Variants in AMD1 observed in about 807,000 individuals in gnomAD.
The protein encoded by AMD1 is adenosylmethionine decarboxylase 1.
In AMD1, 11 loss-of-function variants were observed where a neutral mutation model predicts 40.2. The ratio of observed to expected loss-of-function variants is 0.27; its 90% confidence interval spans 0.17 to 0.45. The LOEUF (loss-of-function observed/expected upper bound fraction) is 0.45, where lower values mean the gene tolerates loss of function less well. AMD1 is among the 20% of genes least tolerant of loss of function. The pLI is 1.00. For missense variants in AMD1, 257 were observed against 410.2 expected (o/e 0.63, Z 3.23); for synonymous variants, 121 against 130.8 (o/e 0.93, Z 0.51).
chr6:110,893,842 C>A lies in AMD1; in HGVS notation c.*226C>A. Reference sequence around the variant, plus strand: ...TCTTCTGTGTTTAGGTATTCTCTGCCACTCTTGCTGTGAAATTGAAGTGCA... The same window carrying A: ...TCTTCTGTGTTTAGGTATTCTCTGCAACTCTTGCTGTGAAATTGAAGTGCA... On this transcript the variant is annotated 3_prime_UTR_variant, in exon 9 of 9. Coordinates refer to ENST00000368885, the MANE Select transcript of AMD1 (RefSeq NM_001634.6). 1 of 472,736 alleles carries A rather than the reference C, an allele frequency of 2.1e-6. No homozygotes were observed. Among genetic ancestry groups the A allele is most frequent in the Non-Finnish European group, 3.7e-6 (1 of 270,472 alleles). The allele number at this position is 472,736 out of a possible 1,614,324, so 29.3% of individuals were successfully genotyped here. A position where few individuals can be genotyped will look rare whatever the true frequency, so the allele number is the denominator to read the frequency against.
chr6:110,843,506 T>C, the AMD1 span, among the ~76,000 whole-genome samples: 1 of 150,710 alleles, frequency 6.6e-6, no homozygotes, highest in African/African-American at 2.4e-5. Context: ...GAAAATAAAG[T>C]ACTATGAGTT....
At chr6:110,843,237 C>T in the AMD1 span, among the ~76,000 whole-genome samples, 1 of 151,860 alleles carries the variant, frequency 6.6e-6, no homozygotes, top group Admixed American at 6.6e-5. Flanking sequence ...CCTGGGCGGG[C>T]GGATCCCCTG....
the AMD1 span, among the ~76,000 whole-genome samples, chr6:110,857,168 AAAAT>A: frequency 6.6e-6 from 1 of 151,944 alleles, no homozygotes; most frequent in Non-Finnish European, 1.5e-5. Flanking sequence ...CTGTCTCAAA[AAAAT>A]AAATAAATAA....
the AMD1 span, among the ~76,000 whole-genome samples, chr6:110,823,115 C>CA: frequency 3.3e-5 from 5 of 151,384 alleles, no homozygotes; most frequent in African/African-American, 4.9e-5. Flanking sequence ...AACTCTGTCT[C>CA]AAAAAAAAGC....
chr6:110,888,707 A>G, intron 2 of AMD1, 150 bp from the exon 3 acceptor site: 1 of 700,464 alleles, frequency 1.4e-6, no homozygotes, highest in Non-Finnish European at 2.3e-6. Context: ...TGTATACTAG[A>G]AAAGGAAAAG....
At chr6:110,834,704 A>T in the AMD1 span, among the ~76,000 whole-genome samples, 14 of 152,148 alleles carry the variant, frequency 9.2e-5, no homozygotes, top group South Asian at 2.7e-3. Context: ...CACGTCTGTA[A>T]TCCCAGCACT....
the AMD1 span, chr6:110,814,880 C>G: frequency 7.8e-7 from 1 of 1,273,912 alleles, no homozygotes; most frequent in Non-Finnish European, 1.1e-6. Flanking sequence ...GGTGTCCGGA[C>G]GCAACCCCGC....
At chr6:110,873,006 T>G (rs1784945651), upstream of AMD1, among the ~76,000 whole-genome samples, 2 of 152,232 alleles carry the variant, frequency 1.3e-5, no homozygotes, top group Non-Finnish European at 2.9e-5. Flanking sequence ...AGTAACCACA[T>G]TCTTTTATCA....
chr6:110,827,745 A>G, the AMD1 span, among the ~76,000 whole-genome samples: 1 of 148,450 alleles, frequency 6.7e-6, no homozygotes, highest in African/African-American at 2.5e-5. Flanking sequence ...AGCCTGGGCC[A>G]CAAAAGCAAA....
chr6:110,890,006 TA>T (rs1303069530), intron 3 of AMD1: 31 of 374,054 alleles, frequency 8.3e-5, no homozygotes, highest in East Asian at 4.3e-4. Flanking sequence ...CTGGGCTTTT[TA>T]AAAAAAAGAG....
At chr6:110,861,122 G>T in the AMD1 span, among the ~76,000 whole-genome samples, 2 of 152,122 alleles carry the variant, frequency 1.3e-5, no homozygotes, top group Admixed American at 6.6e-5. Flanking sequence ...ACTTTGGGAG[G>T]CCAAGGTGGG....
the AMD1 span, chr6:110,814,693 C>T: frequency 1.8e-6 from 1 of 562,750 alleles, no homozygotes; most frequent in Non-Finnish European, 3.4e-6. Context: ...GAGACTAGAC[C>T]CCACAAACTC....
At chr6:110,859,190 G>T in the AMD1 span, 1 of 859,664 alleles carries the variant, frequency 1.2e-6, no homozygotes, top group Non-Finnish European at 1.7e-6. Context: ...CCCCGTCTGA[G>T]TTTCTGGGTT....
At chr6:110,829,500 C>G in the AMD1 span, among the ~76,000 whole-genome samples, 5 of 151,456 alleles carry the variant, frequency 3.3e-5, no homozygotes, top group African/African-American at 1.2e-4. Context: ...TAACACATCT[C>G]TACTAAAAAT....
chr6:110,857,697 CATATATATAGATGGT>C, the AMD1 span, among the ~76,000 whole-genome samples: 5 of 128,394 alleles, frequency 3.9e-5, 1 homozygote, highest in East Asian at 6.6e-4. Flanking sequence ...ATACAGATGG[CATATATATAGATGGT>C]ATATATATAG....
intron 1 of AMD1, among the ~76,000 whole-genome samples, chr6:110,885,355 C>G (rs1462977278): frequency 1.3e-5 from 2 of 152,172 alleles, no homozygotes; most frequent in Non-Finnish European, 2.9e-5. Context: ...TCAGGTGATC[C>G]ATGCGCCTCG....
chr6:110,893,175 C>G (rs1419247904), intron 8 of AMD1, 110 bp downstream of exon 8: 16 of 1,018,572 alleles, frequency 1.6e-5, no homozygotes, highest in Non-Finnish European at 2.3e-5. Flanking sequence ...ACCAGCCACT[C>G]AGATATCCAG....
the AMD1 span, among the ~76,000 whole-genome samples, chr6:110,821,189 C>G: frequency 2.6e-5 from 4 of 152,160 alleles, no homozygotes; most frequent in African/African-American, 9.7e-5. Flanking sequence ...GAAATGGTGG[C>G]GGCATGGAGG....
At chr6:110,838,398 CA>C in the AMD1 span, among the ~76,000 whole-genome samples, 2 of 151,732 alleles carry the variant, frequency 1.3e-5, no homozygotes, top group Non-Finnish European at 1.5e-5. Flanking sequence ...AAAAAAAAAC[CA>C]AAAGTTTTTA....
Sources: allele counts gnomAD v4.1 joint callset (sites outside exome capture counted in the v4.1 genomes callset), GRCh38; gene constraint gnomAD v4.1.1; transcripts MANE v1.5; gene names NCBI Gene and HGNC (gene_info 2026-07-23, HGNC 2026-07-21).